Variants in ATP1A4 observed in about 807,000 individuals in gnomAD.
ATP1A4 encodes the protein ATPase Na+/K+ transporting subunit alpha 4.
In ATP1A4, 90 loss-of-function variants were observed where a neutral mutation model predicts 114.3. That is an observed-to-expected ratio of 0.79 (90% CI 0.66 to 0.94). ATP1A4 has a LOEUF of 0.94. Among genes scored for constraint, ATP1A4 ranks in the 40% least tolerant of loss-of-function variants. The pLI is 0.00. For synonymous variants in ATP1A4, 511 were observed against 494.1 expected, an observed-to-expected ratio of 1.03 and a Z score of -0.45; for missense variants, 1,222 against 1,313.6, an observed-to-expected ratio of 0.93 and a Z score of 1.08.
intron 6 of ATP1A4, among the ~76,000 whole-genome samples, chr1:160,159,851 A>T (rs952507047): frequency 1.9e-4 from 29 of 152,240 alleles, no homozygotes; most frequent in African/African-American, 6.8e-4. Flanking sequence ...ATGCTGTTTA[A>T]GCTGAAAATG....
chr1:160,182,062 T>A, intron 20 of ATP1A4, 31 bp downstream of exon 20: 2 of 1,560,226 alleles, frequency 1.3e-6, no homozygotes, highest in Non-Finnish European at 1.8e-6. Flanking sequence ...AAGCAGGGGA[T>A]GTGCAGGCAC....
chr1:160,178,832 T>A (rs12068745), intron 18 of ATP1A4, among the ~76,000 whole-genome samples: 25,305 of 152,196 alleles, frequency 0.17, 2,730 homozygotes, highest in African/African-American at 0.31. Context: ...CCCAACAATA[T>A]GTGTTTAAGA....
chr1:160,159,584 T>A (rs1480954139), intron 6 of ATP1A4, 58 bp downstream of exon 6: 5 of 1,449,842 alleles, frequency 3.4e-6, no homozygotes, highest in Non-Finnish European at 4.8e-6. Context: ...ACATAAAGAT[T>A]TTAATAACTG....
chr1:160,171,560 G>A (rs1653261408), intron 11 of ATP1A4, 25 bp from the exon 12 acceptor site: 1 of 1,609,748 alleles, frequency 6.2e-7, no homozygotes, highest in African/African-American at 1.3e-5. Context: ...GATGACTACT[G>A]GTCCCTCCCT....
At position 160,152,077 on chromosome 1, in the gene ATP1A4, C is replaced by T. The variant is rs769059748; in HGVS notation, c.37C>T (p.His13Tyr). 6.2e-7 allele frequency: 1 copy of T among 1,613,942 alleles called. No individual in the cohort carries two copies. The highest frequency in any genetic ancestry group is 1.1e-5 in the South Asian group (1 of 91,056). ...LWGKKGTVAP[H>Y]DQSPRRRPKK... ...GGGGAAGAAAGGGACAGTGGCTCCCCATGACCAGAGTCCAAGACGAAGACC... is the reference window on the plus strand; with the variant it reads ...GGGGAAGAAAGGGACAGTGGCTCCCTATGACCAGAGTCCAAGACGAAGACC... Residue 13 changes from histidine (H) to tyrosine (Y), a missense_variant, in exon 1 of 22, where the codon CAT becomes TAT. By Grantham distance (83) the His-to-Tyr change is moderately conservative (BLOSUM62 2). Coordinates refer to ENST00000368081, the MANE Select transcript of ATP1A4 (RefSeq NM_144699.4).
In ATP1A4 at chr1:160,174,584, C is replaced by A. The variant is rs1347279337; in HGVS notation, c.2148C>A (p.Ala716=). The A allele has an allele frequency of 2.5e-6, 4 of 1,613,354 alleles. No individual in the cohort carries two copies. The highest frequency in any genetic ancestry group is 1.3e-5 in the African/African-American group (1 of 75,016). The change falls in exon 15 of 22, where the codon GCC becomes GCA. Residue 716 remains alanine, a synonymous_variant. Coordinates refer to ENST00000368081, the MANE Select transcript of ATP1A4 (RefSeq NM_144699.4). ...CTCTGTCTGGACTTCCTCAGGGAGC[C>A]GTTGTGGCCGTGACAGGTGACGGGG... ...IIVEGCQRLG[A]VVAVTGDGVN... is the part of the protein sequence containing the mutation.
intron 6 of ATP1A4, among the ~76,000 whole-genome samples, chr1:160,162,104 C>A (rs1021757374): frequency 2.0e-5 from 3 of 152,204 alleles, no homozygotes; most frequent in African/African-American, 7.2e-5. Context: ...GATGAGGAAG[C>A]CTGACTCTCA....
intron 7 of ATP1A4, among the ~76,000 whole-genome samples, chr1:160,165,378 A>AATCAAC (rs1182148617): frequency 6.6e-6 from 1 of 152,230 alleles, no homozygotes; most frequent in Non-Finnish European, 1.5e-5. Flanking sequence ...TTGCCTTCAC[A>AATCAAC]ATCAACAAAA....
At chr1:160,165,595 T>C (rs1261435430) in intron 7 of ATP1A4, among the ~76,000 whole-genome samples, 1 of 151,638 alleles carries the variant, frequency 6.6e-6, no homozygotes, top group Non-Finnish European at 1.5e-5. Context: ...CCGTCTCTAC[T>C]AAAAATACAA....
chr1:160,166,869 C>T lies in ATP1A4; in HGVS notation c.1247-99C>T, dbSNP rs1475312700. 6 of 1,493,660 alleles carry T rather than the reference C, an allele frequency of 4.0e-6. No homozygotes were observed. The African/African-American group carries it at 6.9e-5, about 17-fold the overall frequency. The allele number at this position is 1,493,660 out of a possible 1,614,324, so 92.5% of individuals were successfully genotyped here. A position where few individuals can be genotyped will look rare whatever the true frequency, so the allele number is the denominator to read the frequency against. On this transcript the variant is annotated intron_variant, in intron 8 of 21. Transcript: ENST00000368081. ...AGGGAGGTGTGAAGGAAAAGAAATGCTGCTCCTGTGAAGTATCTGGGTGCC... is the reference window on the plus strand; with the variant it reads ...AGGGAGGTGTGAAGGAAAAGAAATGTTGCTCCTGTGAAGTATCTGGGTGCC...
chr1:160,169,603 T>C (rs1653167059), intron 10 of ATP1A4: 1 of 152,282 alleles, frequency 6.6e-6, no homozygotes, highest in South Asian at 2.1e-4. Flanking sequence ...GCTTACCCTG[T>C]GGGCAGTACA....
In ATP1A4 at chr1:160,171,366, C is replaced by T. The variant is rs1004000515; in HGVS notation, c.1607C>T (p.Ser536Leu). 1 of 1,614,120 alleles carries T rather than the reference C, an allele frequency of 6.2e-7. No individual in the cohort carries two copies. Among genetic ancestry groups the T allele is most frequent in the Non-Finnish European group, 8.5e-7 (1 of 1,180,026 alleles). ...TTTCTTCTGAATGGGCAGGAGTACTCAATGAACGATGAAATGAAGGAAGCC... is the reference window on the plus strand; with the variant it reads ...TTTCTTCTGAATGGGCAGGAGTACTTAATGAACGATGAAATGAAGGAAGCC... The part of the protein sequence containing the change: ...STFLLNGQEY[S>L]MNDEMKEAFQ... Residue 536 changes from serine (S) to leucine (L), a missense_variant, in exon 11 of 22, where the codon TCA becomes TTA. Coordinates refer to ENST00000368081, the MANE Select transcript of ATP1A4 (RefSeq NM_144699.4).
intron 3 of ATP1A4, 51 bp downstream of exon 3, chr1:160,155,299 A>G: frequency 6.6e-7 from 1 of 1,522,432 alleles, no homozygotes. Flanking sequence ...TTAGCCCCAG[A>G]CACTCTTTTG....
chr1:160,178,058 T>C (rs1021349095), intron 18 of ATP1A4, among the ~76,000 whole-genome samples: 16 of 152,166 alleles, frequency 1.1e-4, no homozygotes, highest in African/African-American at 3.9e-4. Flanking sequence ...GTTCAAATGA[T>C]ATGATTTAAA....
Position 160,156,165 on chromosome 1 carries a change from T to A in ATP1A4, c.525+7T>A. 7 of 1,580,246 alleles carry A rather than the reference T, an allele frequency of 4.4e-6. No homozygotes were observed. The highest frequency in any genetic ancestry group is 6.1e-6 in the Non-Finnish European group (7 of 1,149,422). ...TAAGAACATGGTGCCTCAGGTAGGA[T>A]TGGAGTGGGAGGATCTAGTGGGAGC... On this transcript the variant is annotated splice_region_variant and intron_variant, in intron 4 of 21. Coordinates refer to ENST00000368081, the MANE Select transcript of ATP1A4 (RefSeq NM_144699.4).
intron 6 of ATP1A4, among the ~76,000 whole-genome samples, chr1:160,160,342 G>A (rs888154313): frequency 6.6e-6 from 1 of 151,870 alleles, no homozygotes; most frequent in Non-Finnish European, 1.5e-5. Context: ...TCAGCCTCCC[G>A]AGTAGCTGGG....
intron 19 of ATP1A4, 45 bp from the exon 20 acceptor site, chr1:160,181,885 C>A: frequency 6.2e-7 from 1 of 1,613,768 alleles, no homozygotes; most frequent in Non-Finnish European, 8.5e-7. Flanking sequence ...TTCCCCCTGC[C>A]TTTTCTTCTC....
intron 9 of ATP1A4, 89 bp downstream of exon 9, chr1:160,167,166 T>TC: frequency 6.4e-7 from 1 of 1,565,200 alleles, no homozygotes; most frequent in Non-Finnish European, 8.8e-7. Context: ...CTCAGTAATT[T>TC]CCCCCCAGGT....
intron 11 of ATP1A4, 71 bp downstream of exon 11, chr1:160,171,511 A>T: frequency 6.2e-7 from 1 of 1,600,056 alleles, no homozygotes; most frequent in Non-Finnish European, 8.5e-7. Flanking sequence ...GTGAGAAATC[A>T]AGGATGTTGG....
Sources: gnomAD v4.1 joint callset for allele counts (sites outside exome capture counted in the v4.1 genomes callset) on GRCh38, gnomAD v4.1.1 for gene constraint, MANE v1.5 for transcripts, NCBI Gene and HGNC (gene_info 2026-07-23, HGNC 2026-07-21) for gene names.